The following ANP32B variants were observed in gnomAD, a reference collection of about 807,000 sequenced individuals.
ANP32B encodes acidic leucine-rich nuclear phosphoprotein 32 family member B.
ANP32B carries 6 observed loss-of-function variants against 32.2 expected under a neutral mutation model. That is an observed-to-expected ratio of 0.19 (90% confidence interval 0.10 to 0.37). The LOEUF is 0.37. Among genes scored for constraint, ANP32B ranks in the 10% least tolerant of loss-of-function variants. ANP32B has a pLI of 1.00. For synonymous variants in ANP32B, 98 were observed against 105.8 expected (o/e 0.93, Z 0.45); for missense variants, 204 against 289.2 (o/e 0.71, Z 2.14).
chr9:98,008,125 C>G (rs960868008), intron 4 of ANP32B, among the ~76,000 whole-genome samples: 9 of 152,126 alleles, frequency 5.9e-5, no homozygotes, highest in African/African-American at 1.9e-4. Context: ...TCCTGATGCT[C>G]TCCGTCCCCA....
At chr9:97,988,558 C>T (rs1827775518) in intron 1 of ANP32B, among the ~76,000 whole-genome samples, 1 of 152,038 alleles carries the variant, frequency 6.6e-6, no homozygotes, top group East Asian at 1.9e-4. Context: ...AACCCCGTCT[C>T]TACTAAAAAT....
chr9:97,984,588 C>G (rs1429126470), intron 1 of ANP32B: 1 of 150,894 alleles, frequency 6.6e-6, no homozygotes, highest in Non-Finnish European at 1.5e-5. Context: ...GCCATGTTGG[C>G]GGGTGCCCGT....
At chr9:97,985,970 C>T (rs1309515904) in intron 1 of ANP32B, among the ~76,000 whole-genome samples, 2 of 152,132 alleles carry the variant, frequency 1.3e-5, no homozygotes, top group Non-Finnish European at 2.9e-5. Flanking sequence ...TACAGGCATG[C>T]GCCACCATGC....
intron 2 of ANP32B, among the ~76,000 whole-genome samples, chr9:97,997,883 C>T (rs1827930733): frequency 1.3e-5 from 2 of 152,196 alleles, no homozygotes; most frequent in South Asian, 4.1e-4. Flanking sequence ...CATTACTTGC[C>T]TGTGCTACTT....
chr9:98,002,177 T>C (rs969824317), intron 3 of ANP32B: 3 of 152,182 alleles, frequency 2.0e-5, no homozygotes, highest in Non-Finnish European at 4.4e-5. Flanking sequence ...AAAAACACCA[T>C]CCTCATCCTC....
At chr9:98,005,322 A>G (rs1828061711) in intron 4 of ANP32B, 169 bp downstream of exon 4, 6 of 505,554 alleles carry the variant, frequency 1.2e-5, no homozygotes, top group Middle Eastern at 4.5e-4. Context: ...AGCCTGGGCA[A>G]CATGGCAATA....
At chr9:97,991,394 C>G (rs1827823571) in intron 1 of ANP32B, among the ~76,000 whole-genome samples, 1 of 152,150 alleles carries the variant, frequency 6.6e-6, no homozygotes, top group African/African-American at 2.4e-5. Flanking sequence ...GGATTGTAGG[C>G]ACTAGCCACT....
At chr9:97,997,450 A>G (rs1443895282) in intron 2 of ANP32B, among the ~76,000 whole-genome samples, 3 of 152,232 alleles carry the variant, frequency 2.0e-5, no homozygotes, top group Non-Finnish European at 4.4e-5. Context: ...TGAAGCTTTC[A>G]TGCTATTCTA....
In ANP32B at chr9:97,999,735, C is replaced by G. The variant is rs1180508832; in HGVS notation, c.327+1057C>G. Among the ~76,000 whole-genome samples, 4 of 152,152 alleles carry G rather than the reference C, an allele frequency of 2.6e-5. No homozygotes were observed. The East Asian group carries it at 7.7e-4, about 29-fold the overall frequency. ...TTTGTAAGTTAATGTACTTATTTTG[C>G]TTTTTGTCCAGTTTGTGTAAGTTGT... On this transcript the variant is annotated intron_variant, in intron 3 of 6. Coordinates refer to ENST00000339399, the MANE Select transcript of ANP32B (RefSeq NM_006401.3).
intron 4 of ANP32B, among the ~76,000 whole-genome samples, chr9:98,010,603 A>C (rs1026138325): frequency 6.6e-6 from 1 of 152,030 alleles, no homozygotes; most frequent in Non-Finnish European, 1.5e-5. Context: ...AGAGTTAGCC[A>C]AGCAAAGAGG....
At chr9:98,012,369 C>G in intron 5 of ANP32B, 52 bp from the exon 6 acceptor site, 1 of 1,592,810 alleles carries the variant, frequency 6.3e-7, no homozygotes, top group Non-Finnish European at 8.5e-7. Context: ...ACTATATGCA[C>G]TTTTCAATTT....
chr9:97,983,961 T>TCCCGGGATGCGCGGCCGGGCGGAGG (rs1322059353), intron 1 of ANP32B, among the ~76,000 whole-genome samples: 14 of 151,034 alleles, frequency 9.3e-5, no homozygotes, highest in Non-Finnish European at 1.3e-4. Flanking sequence ...GTTTGCAGCC[T>TCCCGGGATGCGCGGCCGGGCGGAGG]CCCGGGATGC....
intron 2 of ANP32B, 67 bp from the exon 3 acceptor site, chr9:97,998,489 A>G (rs1015070353): frequency 7.7e-5 from 116 of 1,501,542 alleles, no homozygotes; most frequent in Middle Eastern, 4.7e-4. Flanking sequence ...GTTACTTACA[A>G]TACCTTAAAT....
chr9:98,011,496 G>A (rs1013036752), intron 5 of ANP32B, 107 bp downstream of exon 5: 36 of 1,416,796 alleles, frequency 2.5e-5, no homozygotes, highest in Non-Finnish European at 3.0e-5. Flanking sequence ...GAAGAAATTA[G>A]TATACCTGTG....
chr9:98,011,695 G>GTATGTCTGTTCCT (rs1325044811), intron 5 of ANP32B, among the ~76,000 whole-genome samples: 1 of 152,110 alleles, frequency 6.6e-6, no homozygotes, highest in Non-Finnish European at 1.5e-5. Flanking sequence ...AGAATTGATG[G>GTATGTCTGTTCCT]TATGTCTGTT....
At chr9:98,011,126 G>A in intron 4 of ANP32B, 145 bp from the exon 5 acceptor site, 1 of 1,204,022 alleles carries the variant, frequency 8.3e-7, no homozygotes, top group Non-Finnish European at 1.1e-6. Context: ...CAAAGGGACT[G>A]AGCTGTAGCA....
intron 4 of ANP32B, among the ~76,000 whole-genome samples, chr9:98,009,215 G>T (rs931530050): frequency 6.6e-6 from 1 of 152,070 alleles, no homozygotes; most frequent in Admixed American, 6.6e-5. Flanking sequence ...AGTAGTTTTG[G>T]CATTTGACCC....
intron 4 of ANP32B, among the ~76,000 whole-genome samples, chr9:98,010,711 C>A (rs1022767338): frequency 6.6e-6 from 1 of 152,104 alleles, no homozygotes; most frequent in African/African-American, 2.4e-5. Flanking sequence ...TCCGAACAAC[C>A]AGCTAGAGAT....
Position 98,015,922 on chromosome 9 carries a change from TAAAC to T in ANP32B, c.*493_*496del, listed in dbSNP as rs1283331984. 2 of 981,650 alleles carry T rather than the reference TAAAC, an allele frequency of 2.0e-6. No individual in the cohort carries two copies. Among genetic ancestry groups the T allele is most frequent in the Non-Finnish European group, 2.4e-6 (2 of 826,234 alleles). 60.8% of individuals were successfully genotyped at this position (981,650 alleles called of 1,614,324 possible). A position where few individuals can be genotyped will look rare whatever the true frequency, so the allele number is the denominator to read the frequency against. On this transcript the variant is annotated 3_prime_UTR_variant, in exon 7 of 7. Coordinates refer to ENST00000339399, the MANE Select transcript of ANP32B (RefSeq NM_006401.3). The stretch of plus-strand genomic sequence containing the variant: ...AGTATTTTTAAGAATTTAAGCGAAA[TAAAC>T]AGTTACTCTTTGGTAAAGCCTAGTT...
Sources: allele counts gnomAD v4.1 joint callset (sites outside exome capture counted in the v4.1 genomes callset), GRCh38; gene constraint gnomAD v4.1.1; transcripts MANE v1.5; gene names NCBI Gene and HGNC (gene_info 2026-07-23, HGNC 2026-07-21).